PRKCB: variants seen among roughly 807,000 people sequenced by gnomAD.
PRKCB encodes the protein protein kinase C beta.
Under a neutral mutation model 81.5 loss-of-function variants are expected in PRKCB, and 13 were observed. That is an observed-to-expected ratio of 0.16 (90% CI 0.10 to 0.25). PRKCB has a LOEUF of 0.25. PRKCB is among the 10% of genes least tolerant of loss of function. The pLI is 1.00. For synonymous variants in PRKCB, 335 were observed against 321.4 expected (o/e 1.04, Z -0.45); for missense variants, 509 against 875.7 (o/e 0.58, Z 5.29).
At chr16:24,204,041 G>T (rs1460561123) in intron 16 of PRKCB, among the ~76,000 whole-genome samples, 1 of 151,846 alleles carries the variant, frequency 6.6e-6, no homozygotes, top group Non-Finnish European at 1.5e-5. Flanking sequence ...TTAGGGTTTG[G>T]CAGAGCGTAC....
Position 24,214,923 on chromosome 16 carries a change from C to T in PRKCB, c.*107C>T. ...CCAAGTTGCATCCATGTTTGATTTT[C>T]TGATGAGACTAGAGTGACAGTGTTT... On this transcript the variant is annotated 3_prime_UTR_variant, in exon 17 of 17. Transcript: ENST00000643927. 6.5e-7 allele frequency: 1 copy of T among 1,545,862 alleles called. No individual in the cohort carries two copies. The highest frequency in any genetic ancestry group is 8.7e-7 in the Non-Finnish European group (1 of 1,150,850).
chr16:23,886,406 G>GTTTTTTTTTTTTTTTTTTTTT (rs398029038), intron 2 of PRKCB, among the ~76,000 whole-genome samples: 1 of 70,202 alleles, frequency 1.4e-5, no homozygotes, highest in African/African-American at 6.5e-5. Context: ...TGTGTTAGGT[G>GTTTTTTTTTTTTTTTTTTTTT]TTTTTTTTTT....
In PRKCB at chr16:24,220,042, A is replaced by G; in HGVS notation, c.*5226A>G. The G allele has an allele frequency of 6.2e-7, 1 of 1,614,210 alleles. No homozygotes were observed. The highest frequency in any genetic ancestry group is 8.5e-7 in the Non-Finnish European group (1 of 1,180,020). On this transcript the variant is annotated 3_prime_UTR_variant, in exon 17 of 17. Transcript: ENST00000643927. ...ACTGACCCCCACTGATAAACTCTTC[A>G]TCATGAACTTGGACCAAAATGAATT...
intron 7 of PRKCB, among the ~76,000 whole-genome samples, chr16:24,105,938 G>A (rs1966571194): frequency 6.6e-6 from 1 of 151,510 alleles, no homozygotes; most frequent in South Asian, 2.1e-4. Context: ...TAATTGCCAT[G>A]TTTCTTATGG....
In PRKCB at chr16:24,217,662, C is replaced by T; in HGVS notation, c.*2846C>T. 1.0e-6 allele frequency: 1 copy of T among 985,556 alleles called. No individual in the cohort carries two copies. Among genetic ancestry groups the T allele is most frequent in the African/African-American group, 1.7e-5 (1 of 57,342 alleles). 61.1% of individuals were successfully genotyped at this position (985,556 alleles called of 1,614,324 possible). On this transcript the variant is annotated 3_prime_UTR_variant, in exon 17 of 17. Coordinates refer to ENST00000643927, the MANE Select transcript of PRKCB (RefSeq NM_002738.7). ...GAAGCATTAGCCATCACCAGCACAA[C>T]AAACGGGGCAGGGCTTTCCAAGGTG...
intron 9 of PRKCB, among the ~76,000 whole-genome samples, chr16:24,144,808 T>G (rs1966965118): frequency 6.6e-6 from 1 of 152,222 alleles, no homozygotes; most frequent in Non-Finnish European, 1.5e-5. Context: ...CTTCTCCTAC[T>G]CATGAAATCC....
At chr16:23,985,260 A>C (rs976826316) in intron 2 of PRKCB, among the ~76,000 whole-genome samples, 1 of 151,560 alleles carries the variant, frequency 6.6e-6, no homozygotes, top group African/African-American at 2.4e-5. Flanking sequence ...CGCCCAGCTA[A>C]TTTTTTTTGT....
intron 2 of PRKCB, among the ~76,000 whole-genome samples, chr16:23,903,311 T>C (rs1004185): frequency 0.96 from 146,086 of 151,640 alleles, 70,400 homozygotes; most frequent in East Asian, 1. Flanking sequence ...GGGGGAGTGA[T>C]AGAGATTCTC....
At chr16:24,092,666 AAAATT>A in intron 5 of PRKCB, 120 bp from the exon 6 acceptor site, 1 of 915,256 alleles carries the variant, frequency 1.1e-6, no homozygotes, top group Admixed American at 2.5e-5. Flanking sequence ...GGATGTTAAT[AAAATT>A]AAATTTCTCA....
intron 2 of PRKCB, among the ~76,000 whole-genome samples, chr16:23,910,645 A>G (rs745571020): frequency 2.0e-5 from 3 of 150,860 alleles, no homozygotes; most frequent in Admixed American, 6.6e-5. Flanking sequence ...ATTTAAAAAT[A>G]ATGTTTTAAT....
At chr16:24,088,468 T>C (rs1348906527) in intron 5 of PRKCB, among the ~76,000 whole-genome samples, 2 of 152,170 alleles carry the variant, frequency 1.3e-5, no homozygotes, top group African/African-American at 2.4e-5. Flanking sequence ...GGCTCACACC[T>C]GTAATCCCAG....
chr16:24,082,713 A>G (rs1412851221), intron 5 of PRKCB, among the ~76,000 whole-genome samples: 2 of 152,204 alleles, frequency 1.3e-5, no homozygotes, highest in Non-Finnish European at 2.9e-5. Context: ...TTAACTCAAA[A>G]TGGGTCATGG....
At chr16:24,149,196 C>T (rs1967038726) in intron 9 of PRKCB, among the ~76,000 whole-genome samples, 1 of 152,204 alleles carries the variant, frequency 6.6e-6, no homozygotes, top group Non-Finnish European at 1.5e-5. Flanking sequence ...AGAAGTCTTG[C>T]AGGGTCTCTT....
At chr16:23,867,019 TC>T (rs1962809178) in intron 2 of PRKCB, among the ~76,000 whole-genome samples, 84 of 92,314 alleles carry the variant, frequency 9.1e-4, no homozygotes, top group African/African-American at 2.6e-3. Context: ...CTTCCTTCCT[TC>T]CTTCCTTCCT....
At chr16:24,180,987 GCT>G in intron 13 of PRKCB, 59 bp downstream of exon 13, 1 of 1,589,030 alleles carries the variant, frequency 6.3e-7, no homozygotes, top group Non-Finnish European at 8.6e-7. Context: ...TCCCCAGATG[GCT>G]GTGTGAGAGC....
chr16:24,157,934 A>G (rs999332326), intron 10 of PRKCB, among the ~76,000 whole-genome samples: 1 of 152,068 alleles, frequency 6.6e-6, no homozygotes, highest in East Asian at 1.9e-4. Context: ...CTAATGGACT[A>G]ATGAGAATGG....
chr16:24,142,512 C>T (rs948644363), intron 9 of PRKCB, among the ~76,000 whole-genome samples: 14 of 152,218 alleles, frequency 9.2e-5, no homozygotes, highest in African/African-American at 2.9e-4. Flanking sequence ...CAGCTTTTCT[C>T]TCTGTCCTCC....
intron 2 of PRKCB, among the ~76,000 whole-genome samples, chr16:23,931,638 C>T (rs567199216): frequency 6.6e-6 from 1 of 152,196 alleles, no homozygotes; most frequent in East Asian, 1.9e-4. Flanking sequence ...TAGAAGCTTC[C>T]TCCCTCCTTT....
chr16:24,108,615 T>G (rs1435822980), intron 7 of PRKCB, among the ~76,000 whole-genome samples: 1 of 149,924 alleles, frequency 6.7e-6, no homozygotes, highest in Non-Finnish European at 1.5e-5. Context: ...CCGCCCTTAA[T>G]CCATTCAACC....
Sources: allele counts gnomAD v4.1 joint callset (sites outside exome capture counted in the v4.1 genomes callset), GRCh38; gene constraint gnomAD v4.1.1; transcripts MANE v1.5; gene names NCBI Gene and HGNC (gene_info 2026-07-23, HGNC 2026-07-21).